SLC17A1: variants seen among roughly 807,000 people sequenced by gnomAD.
SLC17A1 encodes the protein solute carrier family 17 member 1.
Under a neutral mutation model 53.5 loss-of-function variants are expected in SLC17A1, and 51 were observed. The observed-to-expected ratio is 0.95, with a 90% CI of 0.76 to 1.20. The LOEUF is 1.20. SLC17A1 is among the 50% of genes most tolerant of loss of function. The probability of loss-of-function intolerance (pLI) is 0.00; values close to 1 mark genes in which losing one functional copy is unlikely to be tolerated. For synonymous variants in SLC17A1, 179 were observed against 198.8 expected (o/e 0.90, Z 0.84); for missense variants, 538 against 568.2 (o/e 0.95, Z 0.54).
chr6:25,808,371 TA>T (rs1011350852), intron 10 of SLC17A1, among the ~76,000 whole-genome samples: 7 of 151,452 alleles, frequency 4.6e-5, no homozygotes, highest in Non-Finnish European at 8.9e-5. Flanking sequence ...GGGCAAGGGA[TA>T]AAAAAAACCA....
the SLC17A1 span, among the ~76,000 whole-genome samples, chr6:25,748,393 T>A: frequency 4.6e-5 from 7 of 151,852 alleles, no homozygotes; most frequent in Admixed American, 2.6e-4. Flanking sequence ...TAAAACACCA[T>A]AAGAAATTAC....
At chr6:25,737,771 C>T in the SLC17A1 span, among the ~76,000 whole-genome samples, 5 of 152,188 alleles carry the variant, frequency 3.3e-5, no homozygotes, top group South Asian at 1.0e-3. Context: ...ATTAGGAATT[C>T]CTTCAAAAGA....
intron 8 of SLC17A1, 142 bp downstream of exon 8, chr6:25,812,689 A>T: frequency 1.6e-6 from 1 of 627,734 alleles, no homozygotes; most frequent in Non-Finnish European, 2.7e-6. Context: ...TAGAAAGAGC[A>T]GAAACAGTTA....
chr6:25,822,630 A>G (rs527897491), intron 3 of SLC17A1, among the ~76,000 whole-genome samples: 5 of 152,298 alleles, frequency 3.3e-5, no homozygotes, highest in South Asian at 4.1e-4. Flanking sequence ...TTCAAGCTCT[A>G]TAGCTCAAGA....
rs77768278 is a variant in SLC17A1 at position 25,790,962 on chromosome 6, C to T, written c.*3-7744G>A. Among the ~76,000 whole-genome samples, 34 of 152,228 alleles carry T rather than the reference C, an allele frequency of 2.2e-4. 1 individual carries two copies. In the East Asian group the frequency reaches 6.5e-3, roughly 29 times the overall value. On this transcript the variant is annotated intron_variant, in intron 12 of 12. Transcript: ENST00000244527. ...AAAATTAAATATATTCAAATGATAT[C>T]TTTCCAATATTCCTGAAAATACAAT...
At chr6:25,830,050 T>C (rs1261376021) in intron 2 of SLC17A1, among the ~76,000 whole-genome samples, 1 of 152,192 alleles carries the variant, frequency 6.6e-6, no homozygotes, top group Non-Finnish European at 1.5e-5. Flanking sequence ...TTGTCCCCTA[T>C]GACATTGACA....
At chr6:25,746,503 T>C in the SLC17A1 span, among the ~76,000 whole-genome samples, 1 of 152,140 alleles carries the variant, frequency 6.6e-6, no homozygotes, top group African/African-American at 2.4e-5. Flanking sequence ...ATTATAAAAA[T>C]TGTTGAATGA....
chr6:25,831,174 G>A (rs1764933972), intron 1 of SLC17A1, among the ~76,000 whole-genome samples: 1 of 152,148 alleles, frequency 6.6e-6, no homozygotes, highest in Admixed American at 6.6e-5. Context: ...TCCGTGGATA[G>A]AGCAGCCACT....
the SLC17A1 span, chr6:25,768,995 A>T: frequency 6.2e-7 from 1 of 1,614,018 alleles, no homozygotes; most frequent in Non-Finnish European, 8.5e-7. Context: ...GTTTTTGTTC[A>T]GTCCGACATG....
chr6:25,761,737 G>A, the SLC17A1 span, among the ~76,000 whole-genome samples: 2 of 152,140 alleles, frequency 1.3e-5, no homozygotes, highest in Admixed American at 6.5e-5. Flanking sequence ...CTAAGACCCA[G>A]GGTAAACTGC....
In SLC17A1 at chr6:25,812,297, A is replaced by AGTCTT. The variant is rs1328676611; in HGVS notation, c.897+529_898-528dup. On this transcript the variant is annotated intron_variant, in intron 8 of 12. Coordinates refer to ENST00000244527, the MANE Select transcript of SLC17A1 (RefSeq NM_005074.5). Reference sequence around the variant, plus strand: ...CCCAGACAGACTCCATTTCTAAAGGAGTCTTGTCTTGTCTGGTTATTATGG... The same window carrying AGTCTT: ...CCCAGACAGACTCCATTTCTAAAGGAGTCTTGTCTTGTCTTGTCTGGTTATTATGG... Among the ~76,000 whole-genome samples, 8 of 152,258 alleles carry AGTCTT rather than the reference A, an allele frequency of 5.3e-5. No individual in the cohort carries two copies. The South Asian group carries it at 1.4e-3, about 28-fold the overall frequency.
At chr6:25,825,534 T>C (rs1764711105) in intron 3 of SLC17A1, among the ~76,000 whole-genome samples, 1 of 152,048 alleles carries the variant, frequency 6.6e-6, no homozygotes, top group Non-Finnish European at 1.5e-5. Context: ...TGTTCCTCTG[T>C]AGGTATTTTC....
chr6:25,757,867 AG>A, the SLC17A1 span, among the ~76,000 whole-genome samples: 1 of 152,178 alleles, frequency 6.6e-6, no homozygotes. Context: ...CTCAGCAGTT[AG>A]GGTTCCTTTC....
the SLC17A1 span, among the ~76,000 whole-genome samples, chr6:25,747,476 T>C: frequency 6.6e-6 from 1 of 152,194 alleles, no homozygotes. Flanking sequence ...AGCCAACAAA[T>C]AACACTACAC....
intron 3 of SLC17A1, among the ~76,000 whole-genome samples, chr6:25,823,896 C>T (rs994674797): frequency 3.3e-5 from 5 of 151,964 alleles, no homozygotes; most frequent in Admixed American, 1.3e-4. Flanking sequence ...TCTACACTGT[C>T]GTTATTACTA....
chr6:25,800,824 A>G (rs1034119053), intron 11 of SLC17A1, 66 bp downstream of exon 11: 1 of 1,002,616 alleles, frequency 1.0e-6, no homozygotes, highest in Non-Finnish European at 1.5e-6. Context: ...GCAATTTTTC[A>G]TATGTGTAAT....
At chr6:25,728,864 G>T in the SLC17A1 span, among the ~76,000 whole-genome samples, 6 of 152,184 alleles carry the variant, frequency 3.9e-5, no homozygotes. Context: ...GTTAAAATAA[G>T]TGCCCCCACA....
intron 3 of SLC17A1, 134 bp from the exon 4 acceptor site, chr6:25,820,049 G>T: frequency 1.7e-6 from 1 of 602,044 alleles, no homozygotes; most frequent in South Asian, 2.1e-5. Context: ...CTTTATCACA[G>T]GACCTTCTTT....
intron 3 of SLC17A1, among the ~76,000 whole-genome samples, chr6:25,824,352 G>A (rs1764665561): frequency 6.6e-6 from 1 of 151,094 alleles, no homozygotes; most frequent in Non-Finnish European, 1.5e-5. Context: ...GATCAGTGTG[G>A]TACAATTTTT....
Sources: allele counts gnomAD v4.1 joint callset (sites outside exome capture counted in the v4.1 genomes callset), GRCh38; gene constraint gnomAD v4.1.1; transcripts MANE v1.5; gene names NCBI Gene and HGNC (gene_info 2026-07-23, HGNC 2026-07-21).